Variants in RCN3 observed in about 807,000 individuals in gnomAD.
RCN3 encodes reticulocalbin 3.
Under a neutral mutation model 35.9 loss-of-function variants are expected in RCN3, and 41 were observed. The ratio of observed to expected loss-of-function variants is 1.14; its 90% CI spans 0.89 to 1.48. RCN3 has a LOEUF of 1.48. Among genes scored for constraint, RCN3 ranks in the 40% most tolerant of loss-of-function variants. The pLI is 0.00. For synonymous variants in RCN3, 187 were observed against 193.4 expected (o/e 0.97, Z 0.27); for missense variants, 451 against 471.3 (o/e 0.96, Z 0.40).
In RCN3 at chr19:49,543,502, C is replaced by CA. The variant is rs150225033; in HGVS notation, c.*289_*290insA. On this transcript the variant is annotated 3_prime_UTR_variant, in exon 7 of 7. Transcript: ENST00000270645. ...CCCCAAGCTCAGCTCTAAGAACCGCCCCAACCCCTCCAGCTCCAAATCTGA... is the reference window on the plus strand; with the variant it reads ...CCCCAAGCTCAGCTCTAAGAACCGCCACCAACCCCTCCAGCTCCAAATCTGA... 34,200 of 435,612 alleles carry CA rather than the reference C, an allele frequency of 0.079. 1,800 individuals carry two copies. Among genetic ancestry groups the CA allele is most frequent in the African/African-American group, 0.18 (8,900 of 50,366 alleles). 27.0% of individuals were successfully genotyped at this position (435,612 alleles called of 1,614,324 possible). A position where few individuals can be genotyped will look rare whatever the true frequency, so the allele number is the denominator to read the frequency against.
In RCN3 at chr19:49,528,587, C is replaced by G. The variant is rs1027308927; in HGVS notation, c.115C>G (p.Pro39Ala). The change falls in exon 2 of 7, where the codon CCC becomes GCC. Residue 39 changes from proline (P) to alanine (A), a missense_variant. Transcript: ENST00000270645. ...CCAGGGGAGGGTGCACCAGGCGGCC[C>G]CCCTGAGCGACGCTCCCCATGATGA... ...HGQGRVHQAA[P>A]LSDAPHDDAH... is the part of the protein sequence containing the mutation. The G allele has an allele frequency of 6.2e-7, 1 of 1,609,742 alleles. No homozygotes were observed. Among genetic ancestry groups the G allele is most frequent in the Non-Finnish European group, 8.5e-7 (1 of 1,178,220 alleles).
chr19:49,542,966 A>C, intron 6 of RCN3, 140 bp from the exon 7 acceptor site: 1 of 794,010 alleles, frequency 1.3e-6, no homozygotes, highest in Non-Finnish European at 2.0e-6. Context: ...ACAGGGACCA[A>C]GACGGGGACA....
chr19:49,531,560 G>A (rs1460117149), intron 2 of RCN3, among the ~76,000 whole-genome samples: 1 of 152,164 alleles, frequency 6.6e-6, no homozygotes, highest in Non-Finnish European at 1.5e-5. Context: ...ACTGTAGGGA[G>A]CAAGAAGCAG....
intron 2 of RCN3, among the ~76,000 whole-genome samples, chr19:49,531,279 G>A (rs990943623): frequency 3.9e-5 from 6 of 152,230 alleles, no homozygotes; most frequent in South Asian, 2.1e-4. Flanking sequence ...AAATCATGCC[G>A]CTGCACTCCA....
At position 49,534,192 on chromosome 19, in the gene RCN3, G is replaced by A; in HGVS notation, c.243-1G>A. The stretch of plus-strand genomic sequence containing the variant: ...TGACGTGTGCCCGCCCCGGCTTCTA[G>A]GCGGATCGTGGACCGCATGGACCGC... On this transcript the variant is annotated splice_acceptor_variant, in intron 2 of 6. Coordinates refer to ENST00000270645, the MANE Select transcript of RCN3 (RefSeq NM_020650.3). LOFTEE classifies it high-confidence loss of function. The A allele has an allele frequency of 6.7e-7, 1 of 1,488,874 alleles. No homozygotes were observed. Among genetic ancestry groups the A allele is most frequent in the South Asian group, 1.3e-5 (1 of 77,850 alleles). 92.2% of individuals were successfully genotyped at this position (1,488,874 alleles called of 1,614,324 possible). A position where few individuals can be genotyped will look rare whatever the true frequency, so the allele number is the denominator to read the frequency against.
Position 49,539,198 on chromosome 19 carries a change from C to A in RCN3, c.679+19C>A. ...TACATCGGTGAGTGGGCCCCAATTTCTTCTTGGGATGCCTGTCCTCTCTCA... is the reference window on the plus strand; with the variant it reads ...TACATCGGTGAGTGGGCCCCAATTTATTCTTGGGATGCCTGTCCTCTCTCA... On this transcript the variant is annotated intron_variant, in intron 5 of 6. Transcript: ENST00000270645. 3 of 1,601,290 alleles carry A rather than the reference C, an allele frequency of 1.9e-6. No individual in the cohort carries two copies. Among genetic ancestry groups the A allele is most frequent in the Non-Finnish European group, 2.6e-6 (3 of 1,173,218 alleles).
chr19:49,529,306 G>A (rs749828121), intron 2 of RCN3, among the ~76,000 whole-genome samples: 1 of 152,154 alleles, frequency 6.6e-6, no homozygotes, highest in Non-Finnish European at 1.5e-5. Flanking sequence ...TCAGTTTCCT[G>A]CTCTGTAAAT....
At chr19:49,530,430 C>G (rs1032422216) in intron 2 of RCN3, among the ~76,000 whole-genome samples, 1 of 151,528 alleles carries the variant, frequency 6.6e-6, no homozygotes, top group South Asian at 2.1e-4. Context: ...CTTGGCCTCC[C>G]AAAGTGCTGG....
In RCN3 at chr19:49,534,364, G is replaced by T. The variant is rs1375519542; in HGVS notation, c.414G>T (p.Leu138=). ...ACGGGCGTGTGGGTTGGGAGGAGCT[G>T]CGCAACGCCACCTATGGCCACTACG... ...DRDGRVGWEE[L]RNATYGHYAP... Residue 138 remains leucine (L), a synonymous_variant, in exon 3 of 7, where the codon CTG becomes CTT. Transcript: ENST00000270645. 4.6e-6 allele frequency: 7 copies of T among 1,537,524 alleles called. No individual in the cohort carries two copies. Among genetic ancestry groups the T allele is most frequent in the Non-Finnish European group, 5.2e-6 (6 of 1,143,454 alleles).
intron 2 of RCN3, among the ~76,000 whole-genome samples, chr19:49,532,372 T>TTTTG (rs967861701): frequency 6.6e-6 from 1 of 151,444 alleles, no homozygotes; most frequent in Non-Finnish European, 1.5e-5. Context: ...CCAAAGTGTT[T>TTTTG]TTTGTTTGTT....
chr19:49,535,634 G>T (rs567944997), intron 3 of RCN3, among the ~76,000 whole-genome samples: 5 of 152,094 alleles, frequency 3.3e-5, no homozygotes, highest in African/African-American at 1.2e-4. Context: ...GGTGGATCAC[G>T]TGAGATCAGA....
At chr19:49,540,823 C>T (rs1235680856) in intron 5 of RCN3, among the ~76,000 whole-genome samples, 1 of 151,828 alleles carries the variant, frequency 6.6e-6, no homozygotes, top group Non-Finnish European at 1.5e-5. Flanking sequence ...ATGCTACTGA[C>T]GTCTCCTGGA....
intron 4 of RCN3, 21 bp from the exon 5 acceptor site, chr19:49,539,098 C>T: frequency 6.3e-7 from 1 of 1,579,722 alleles, no homozygotes; most frequent in Non-Finnish European, 8.6e-7. Context: ...CCCCCAGCCT[C>T]AATGCCCCTT....
Position 49,543,339 on chromosome 19 carries a change from C to T in RCN3, c.*126C>T. The T allele has an allele frequency of 1.3e-6, 1 of 783,898 alleles. No homozygotes were observed. Among genetic ancestry groups the T allele is most frequent in the Non-Finnish European group, 2.1e-6 (1 of 467,554 alleles). 48.6% of individuals were successfully genotyped at this position (783,898 alleles called of 1,614,324 possible). ...TGCAGTCCCAGGCATCCTCCTGCCCCTGGGCTCTCAGGGACCCCCTGGGTC... is the reference window on the plus strand; with the variant it reads ...TGCAGTCCCAGGCATCCTCCTGCCCTTGGGCTCTCAGGGACCCCCTGGGTC... On this transcript the variant is annotated 3_prime_UTR_variant, in exon 7 of 7. Transcript: ENST00000270645.
At chr19:49,534,014 G>A (rs927512549) in intron 2 of RCN3, among the ~76,000 whole-genome samples, 179 bp from the exon 3 acceptor site, 1 of 152,144 alleles carries the variant, frequency 6.6e-6, no homozygotes, top group African/African-American at 2.4e-5. Context: ...AGGCTGAGGG[G>A]TAGGGTCCTC....
chr19:49,537,141 G>T lies in RCN3; in HGVS notation c.554G>T (p.Arg185Leu), dbSNP rs755257902. The T allele has an allele frequency of 3.8e-6, 6 of 1,596,510 alleles. No individual in the cohort carries two copies. In the East Asian group the frequency reaches 9.3e-5, roughly 25 times the overall value. The stretch of plus-strand genomic sequence containing the variant: ...CAGGATGGGGACTCGATGGCCACTC[G>T]AGAGGAGCTGACAGCCTTCCTGCAC... ...ADQDGDSMAT[R>L]EELTAFLHPE... is the part of the protein sequence containing the mutation. The change falls in exon 4 of 7, where the codon CGA (arginine) becomes CTA (leucine). Residue 185 changes from arginine (R) to leucine (L), a missense_variant. Transcript: ENST00000270645.
chr19:49,539,836 C>A (rs776415304), intron 5 of RCN3, among the ~76,000 whole-genome samples: 6 of 150,880 alleles, frequency 4.0e-5, no homozygotes, highest in Non-Finnish European at 7.4e-5. Flanking sequence ...GATTCTTCTG[C>A]CTCAGCCTCC....
chr19:49,528,540 C>T lies in RCN3; in HGVS notation c.68C>T (p.Ser23Phe), dbSNP rs1302546869. 3 of 1,575,660 alleles carry T rather than the reference C, an allele frequency of 1.9e-6. No homozygotes were observed. The highest frequency in any genetic ancestry group is 3.8e-5 in the Admixed American group (2 of 52,462). Reference protein sequence around the residue: ...LLRHGAQGKPSPDAGPHGQGR... With the variant: ...LLRHGAQGKPFPDAGPHGQGR... ...AGGCACGGGGCCCAGGGGAAGCCAT[C>T]CCCAGACGCAGGCCCTCATGGCCAG... The change falls in exon 2 of 7, where the codon TCC becomes TTC. Residue 23 changes from serine to phenylalanine, a missense_variant. Physicochemically the swap from Ser to Phe is radical, Grantham distance 155. Coordinates refer to ENST00000270645, the MANE Select transcript of RCN3 (RefSeq NM_020650.3).
rs534777124 is a variant in RCN3, at chr19:49,537,328, C to T, written c.618+123C>T. ...GTCACCTGGTTCTCCAGCATCTTGCCGGGGAAGCCAGGCCGCAAACACAGG... is the reference window on the plus strand; with the variant it reads ...GTCACCTGGTTCTCCAGCATCTTGCTGGGGAAGCCAGGCCGCAAACACAGG... On this transcript the variant is annotated intron_variant, in intron 4 of 6. Coordinates refer to ENST00000270645, the MANE Select transcript of RCN3 (RefSeq NM_020650.3). 3.0e-3 allele frequency: 3,076 copies of T among 1,018,326 alleles called. 7 individuals are homozygous for T. Among genetic ancestry groups the T allele is most frequent in the Non-Finnish European group, 3.9e-3 (2,875 of 744,346 alleles). The allele number at this position is 1,018,326 out of a possible 1,614,324, so 63.1% of individuals were successfully genotyped here. A position where few individuals can be genotyped will look rare whatever the true frequency, so the allele number is the denominator to read the frequency against.
Sources: gnomAD v4.1 joint callset for allele counts (sites outside exome capture counted in the v4.1 genomes callset) on GRCh38, gnomAD v4.1.1 for gene constraint, MANE v1.5 for transcripts, NCBI Gene and HGNC (gene_info 2026-07-23, HGNC 2026-07-21) for gene names.